SIPA1L3: variants seen among roughly 807,000 people sequenced by gnomAD.
SIPA1L3 encodes signal induced proliferation associated 1 like 3, also known as signal-induced proliferation-associated 1-like protein 3.
In SIPA1L3, 59 loss-of-function variants were observed where a neutral mutation model predicts 150.1. The observed-to-expected ratio is 0.39, with a 90% CI of 0.32 to 0.49. SIPA1L3 has a LOEUF of 0.49. SIPA1L3 is among the 20% of genes least tolerant of loss of function. The pLI is 0.86. For missense variants in SIPA1L3, 2,211 were observed against 2,489.5 expected (o/e 0.89, Z 2.38); for synonymous variants, 1,070 against 1,077.6 (o/e 0.99, Z 0.14).
intron 1 of SIPA1L3, among the ~76,000 whole-genome samples, chr19:37,929,131 T>C (rs1238890015): frequency 2.6e-5 from 4 of 152,192 alleles, no homozygotes; most frequent in Admixed American, 6.5e-5. Flanking sequence ...CATGGTGATA[T>C]GTGACCCTGC....
At chr19:38,112,175 G>A (rs1217083601) in intron 8 of SIPA1L3, among the ~76,000 whole-genome samples, 1 of 150,868 alleles carries the variant, frequency 6.6e-6, no homozygotes, top group African/African-American at 2.4e-5. Context: ...ACATGCACAT[G>A]CACACACATA....
chr19:37,918,919 C>CT (rs2046435637), intron 1 of SIPA1L3, among the ~76,000 whole-genome samples: 1 of 124,318 alleles, frequency 8.0e-6, no homozygotes, highest in Non-Finnish European at 1.7e-5. Context: ...AATAAATAAA[C>CT]AAACTGCTGC....
chr19:38,184,638 T>C (rs1021881473), intron 16 of SIPA1L3: 1 of 152,172 alleles, frequency 6.6e-6, no homozygotes, highest in Non-Finnish European at 1.5e-5. Context: ...AGTGTCATCT[T>C]TCATGACCTA....
rs1293595901 is a variant in SIPA1L3 at position 38,081,888 on chromosome 19, C to T, written c.323C>T (p.Thr108Ile). ...NPSPSQDTDG[T>I]KATKMAHSMR... is the part of the protein sequence containing the mutation. Reference sequence around the variant, plus strand: ...AGCCCCTCCCAGGACACAGATGGCACAAAGGCCACCAAGATGGCCCATTCC... The same window carrying T: ...AGCCCCTCCCAGGACACAGATGGCATAAAGGCCACCAAGATGGCCCATTCC... Residue 108 changes from threonine (T) to isoleucine (I), a missense_variant, in exon 3 of 22, where the codon ACA (threonine) becomes ATA (isoleucine). By Grantham distance (89) the Thr-to-Ile change is moderately conservative. Coordinates refer to ENST00000222345, the MANE Select transcript of SIPA1L3 (RefSeq NM_015073.3). 1.2e-6 allele frequency: 2 copies of T among 1,614,190 alleles called. No individual in the cohort carries two copies. The highest frequency in any genetic ancestry group is 1.1e-5 in the South Asian group (1 of 91,090).
chr19:38,036,227 G>A (rs1207805501), intron 2 of SIPA1L3, among the ~76,000 whole-genome samples: 1 of 152,230 alleles, frequency 6.6e-6, no homozygotes, highest in Admixed American at 6.5e-5. Flanking sequence ...TATTCTCTGG[G>A]ATGGAGCCGG....
At chr19:37,997,864 C>CAAAAA (rs967452351) in intron 1 of SIPA1L3, among the ~76,000 whole-genome samples, 1 of 69,258 alleles carries the variant, frequency 1.4e-5, no homozygotes, top group Non-Finnish European at 3.0e-5. Context: ...GACTCCATCT[C>CAAAAA]AAAAAAAAAA....
intron 12 of SIPA1L3, among the ~76,000 whole-genome samples, chr19:38,144,811 T>C (rs1298411457): frequency 6.6e-6 from 1 of 152,038 alleles, no homozygotes; most frequent in African/African-American, 2.4e-5. Context: ...AGCACTCTAA[T>C]AGAGGAAGAG....
Position 38,130,552 on chromosome 19 carries a change from G to A in SIPA1L3, c.2923G>A (p.Gly975Arg), listed in dbSNP as rs768610257. The change falls in exon 10 of 22, where the codon GGG becomes AGG. Residue 975 changes from glycine (G) to arginine (R), a missense_variant. Gly to Arg is a moderately radical substitution (Grantham distance 125). Around this residue, in one of 5 missense-constraint regions of SIPA1L3, gnomAD observed 625 missense variants for 804.2 expected, o/e 0.78. Coordinates refer to ENST00000222345, the MANE Select transcript of SIPA1L3 (RefSeq NM_015073.3). The stretch of plus-strand genomic sequence containing the variant: ...CATGACGCTTCGGCGGAACGGGCTC[G>A]GGCAGCTGGGCTTCCACGTGAAGTA... The part of the protein sequence containing the change: ...VDMTLRRNGL[G>R]QLGFHVKYDG... 8.1e-6 allele frequency: 13 copies of A among 1,613,582 alleles called. No homozygotes were observed. The highest frequency in any genetic ancestry group is 3.3e-5 in the Admixed American group (2 of 60,002).
intron 2 of SIPA1L3, among the ~76,000 whole-genome samples, chr19:38,039,820 A>G (rs8112492): frequency 0.055 from 8,348 of 151,950 alleles, 794 homozygotes; most frequent in African/African-American, 0.19. Context: ...GAATCCAGAT[A>G]TCAAAAATGT....
Position 38,101,054 on chromosome 19 carries a change from C to A in SIPA1L3, c.1857C>A (p.Leu619=). The stretch of plus-strand genomic sequence containing the variant: ...CAAAGCCACTCTTGCCTCTGCAGCT[C>A]TGCCGGAAGCACAAGGTGGGCATCC... ...EQLLKLDEQG[L]CRKHKVGILY... Residue 619 remains leucine, a splice_region_variant and synonymous_variant, in exon 6 of 22, where the codon CTC becomes CTA. Transcript: ENST00000222345. The A allele has an allele frequency of 1.3e-6, 2 of 1,552,246 alleles. No individual in the cohort carries two copies. Among genetic ancestry groups the A allele is most frequent in the Non-Finnish European group, 1.7e-6 (2 of 1,148,210 alleles).
rs1972592123 is a variant in SIPA1L3, at chr19:38,182,867, A to C, written c.4430+127A>C. 6 of 710,744 alleles carry C rather than the reference A, an allele frequency of 8.4e-6. No individual in the cohort carries two copies. In the South Asian group the frequency reaches 1.0e-4, roughly 12 times the overall value. 44.0% of individuals were successfully genotyped at this position (710,744 alleles called of 1,614,324 possible). On this transcript the variant is annotated intron_variant, in intron 16 of 21. Transcript: ENST00000222345. ...TGTGGGCCAGTGTACCAGTGTACAC[A>C]CTGGGGCTGCAGCTGCAAGCAGGAC...
chr19:38,178,702 T>A (rs888973777), intron 15 of SIPA1L3, among the ~76,000 whole-genome samples: 1 of 152,088 alleles, frequency 6.6e-6, no homozygotes, highest in Non-Finnish European at 1.5e-5. Flanking sequence ...GGTCTCGATC[T>A]CCTGACCTCA....
Position 38,110,212 on chromosome 19 carries a change from G to T in SIPA1L3, c.2134-15G>T, listed in dbSNP as rs764454539. ...CTGTGACAGGTTCCTGTCCCCCTCT[G>T]TTGCCCTTTCCCAGCTGCTACGGAA... On this transcript the variant is annotated splice_polypyrimidine_tract_variant and intron_variant, in intron 7 of 21. Transcript: ENST00000222345. 6.2e-7 allele frequency: 1 copy of T among 1,613,580 alleles called. No individual in the cohort carries two copies. The highest frequency in any genetic ancestry group is 8.5e-7 in the Non-Finnish European group (1 of 1,179,616).
chr19:38,042,040 G>A (rs946717753), intron 2 of SIPA1L3, among the ~76,000 whole-genome samples: 1 of 152,174 alleles, frequency 6.6e-6, no homozygotes, highest in African/African-American at 2.4e-5. Context: ...CTGTGCAGAA[G>A]CTTTTTAGTT....
At chr19:38,034,474 GC>G (rs1264554254) in intron 2 of SIPA1L3, among the ~76,000 whole-genome samples, 1 of 144,088 alleles carries the variant, frequency 6.9e-6, no homozygotes, top group African/African-American at 2.6e-5. Flanking sequence ...TGGGTCCAGG[GC>G]CCCTGTTCTT....
intron 10 of SIPA1L3, among the ~76,000 whole-genome samples, chr19:38,134,707 G>GAAAAAA (rs3083628): frequency 6.6e-5 from 6 of 91,046 alleles, no homozygotes; most frequent in Non-Finnish European, 1.2e-4. Flanking sequence ...TCTGTTTCAG[G>GAAAAAA]AAAAAAAAAA....
At chr19:37,909,740 C>A (rs964722498) in intron 1 of SIPA1L3, among the ~76,000 whole-genome samples, 1 of 152,048 alleles carries the variant, frequency 6.6e-6, no homozygotes, top group Non-Finnish European at 1.5e-5. Flanking sequence ...CTTAGAATAT[C>A]CCGTGTGGGA....
chr19:37,912,854 G>A (rs551398341), intron 1 of SIPA1L3, among the ~76,000 whole-genome samples: 4 of 152,296 alleles, frequency 2.6e-5, no homozygotes, highest in East Asian at 1.9e-4. Flanking sequence ...CAGGGATCCC[G>A]CTTGGAGATG....
chr19:38,175,758 G>A lies in SIPA1L3; in HGVS notation c.4209-6761G>A, dbSNP rs535673089. On this transcript the variant is annotated intron_variant, in intron 15 of 21. Transcript: ENST00000222345. ...AGAGGAGGAAACTGAGGCTCACTGA[G>A]GGGAATAGACCCCACGCAAGTTGGC... is the stretch of plus-strand genomic sequence containing the variant. 9.3e-4 allele frequency among the ~76,000 whole-genome samples: 141 copies of A among 152,298 alleles called. No homozygotes were observed. In the South Asian group the frequency reaches 0.012, roughly 13 times the overall value.
Sources: allele counts gnomAD v4.1 joint callset (sites outside exome capture counted in the v4.1 genomes callset), GRCh38; gene constraint gnomAD v4.1.1; regional missense constraint gnomAD v4.1.1; transcripts MANE v1.5; gene names NCBI Gene and HGNC (gene_info 2026-07-23, HGNC 2026-07-21).